Variants in HAPLN4 observed in about 807,000 individuals in gnomAD.
HAPLN4 encodes the protein hyaluronan and proteoglycan link protein 4.
In HAPLN4, 19 loss-of-function variants were observed where a neutral mutation model predicts 28.0. That is an observed-to-expected ratio of 0.68 (90% confidence interval 0.47 to 1.00). HAPLN4 has a LOEUF of 1.00. Ranked by LOEUF, HAPLN4 falls within the 50% of genes least tolerant of loss-of-function variation. The pLI is 0.00. For missense variants in HAPLN4, 587 were observed against 602.6 expected (o/e 0.97, Z 0.27); for synonymous variants, 274 against 273.0 (o/e 1.00, Z -0.03).
intron 3 of HAPLN4, among the ~76,000 whole-genome samples, chr19:19,260,170 T>C (rs926551364): frequency 4.6e-5 from 7 of 152,222 alleles, no homozygotes; most frequent in African/African-American, 1.7e-4. Context: ...AGTGTCCTCA[T>C]TGTGGACATT....
Position 19,258,199 on chromosome 19 carries a change from AAC to A in HAPLN4, c.825_826del (p.Phe276LeufsTer131). The A allele has an allele frequency of 1.3e-6, 2 of 1,498,984 alleles. No homozygotes were observed. The highest frequency in any genetic ancestry group is 2.5e-5 in the South Asian group (2 of 78,980). The allele number at this position is 1,498,984 out of a possible 1,614,324, so 92.9% of individuals were successfully genotyped here. On this transcript the variant is annotated frameshift_variant, in exon 5 of 5. Transcript: ENST00000291481. LOFTEE classifies it low-confidence loss of function (END_TRUNC). This position sits in a 1 kb window ranked among gnomAD's most constrained non-coding sequence, Gnocchi z 6.2. Reference sequence around the variant, plus strand: ...TACAGGTCGCAGCGGCTTCAGGAAGAACACGCGCCCTGCGGGGGTGAGGTGGG... The same window carrying A: ...TACAGGTCGCAGCGGCTTCAGGAAGAACGCGCCCTGCGGGGGTGAGGTGGG...
intron 3 of HAPLN4, among the ~76,000 whole-genome samples, chr19:19,259,260 C>T (rs2060976330): frequency 6.6e-6 from 1 of 152,120 alleles, no homozygotes; most frequent in Non-Finnish European, 1.5e-5. Context: ...GCCCACGGAG[C>T]CTGCGTTCAG....
Position 19,258,053 on chromosome 19 carries a change from C to T in HAPLN4, c.973G>A (p.Asp325Asn), listed in dbSNP as rs776408689. ...LDRCTAGWLADGSARYPIVNP... is the reference protein window; with the variant it reads ...LDRCTAGWLANGSARYPIVNP... ...ACGATGGGGTAGCGCGCACTGCCAT[C>T]GGCCAGCCAACCCGCGGTGCAGCGG... is the stretch of plus-strand genomic sequence containing the variant. Residue 325 changes from aspartate to asparagine, a missense_variant, in exon 5 of 5, where the codon GAT (aspartate) becomes AAT (asparagine). Coordinates refer to ENST00000291481, the MANE Select transcript of HAPLN4 (RefSeq NM_023002.3). The surrounding 1 kb of genome is among the most constrained non-coding windows in gnomAD (Gnocchi z 6.2). The T allele has an allele frequency of 7.7e-6, 12 of 1,550,752 alleles. No homozygotes were observed. Among genetic ancestry groups the T allele is most frequent in the African/African-American group, 2.7e-5 (2 of 73,462 alleles).
In HAPLN4 at chr19:19,258,687, G is replaced by A. The variant is rs775839276; in HGVS notation, c.653C>T (p.Ser218Leu). ...GGGCCGGTTCACGGGGTATTGCACT[G>A]AGCCGTCGCGCAACCAGCCCGCGTT... The part of the protein sequence containing the change: ...WCNAGWLRDG[S>L]VQYPVNRPRE... Residue 218 changes from serine (S) to leucine (L), a missense_variant, in exon 4 of 5, where the codon TCA becomes TTA. Ser to Leu is a moderately radical substitution (Grantham distance 145). Coordinates refer to ENST00000291481, the MANE Select transcript of HAPLN4 (RefSeq NM_023002.3). This position sits in a 1 kb window ranked among gnomAD's most constrained non-coding sequence, Gnocchi z 6.2. 3.1e-6 allele frequency: 5 copies of A among 1,607,918 alleles called. No individual in the cohort carries two copies. The Admixed American group carries it at 8.4e-5, about 27-fold the overall frequency.
rs1217652946 is a variant in HAPLN4 at position 19,255,717 on chromosome 19, A to G, written c.*2100T>C. On this transcript the variant is annotated 3_prime_UTR_variant, in exon 5 of 5. Coordinates refer to ENST00000291481, the MANE Select transcript of HAPLN4 (RefSeq NM_023002.3). ...TTGGCACTCACGGGGACCACAGAAC[A>G]GCCCTGGTACAGTGGGAGAACACAG... 6.6e-6 allele frequency: 1 copy of G among 152,276 alleles called. No homozygotes were observed. 9.4% of individuals were successfully genotyped at this position (152,276 alleles called of 1,614,324 possible).
chr19:19,261,680 C>T, intron 1 of HAPLN4, 117 bp from the exon 2 acceptor site: 1 of 642,554 alleles, frequency 1.6e-6, no homozygotes, highest in Non-Finnish European at 2.5e-6. Context: ...CCCATGTCCC[C>T]ACCCTTTCCG....
rs568975845 is a variant in HAPLN4, at chr19:19,258,132, C to T, written c.894G>A (p.Ala298=). ...GAARACAARG[A]AVAKVGQLFA... Reference sequence around the variant, plus strand: ...ACAGCTGCCCCACCTTGGCCACGGCCGCGCCACGCGCAGCACACGCGCGCG... The same window carrying T: ...ACAGCTGCCCCACCTTGGCCACGGCTGCGCCACGCGCAGCACACGCGCGCG... Residue 298 remains alanine, a synonymous_variant, in exon 5 of 5, where the codon GCG becomes GCA. Coordinates refer to ENST00000291481, the MANE Select transcript of HAPLN4 (RefSeq NM_023002.3). This position sits in a 1 kb window ranked among gnomAD's most constrained non-coding sequence, Gnocchi z 6.2. 2 of 1,550,196 alleles carry T rather than the reference C, an allele frequency of 1.3e-6. No homozygotes were observed. The highest frequency in any genetic ancestry group is 4.7e-5 in the East Asian group (2 of 42,396).
Position 19,261,572 on chromosome 19 carries a change from C to G in HAPLN4, c.4-9G>C, listed in dbSNP as rs1196731216. The G allele has an allele frequency of 1.4e-6, 2 of 1,467,158 alleles. No homozygotes were observed. Among genetic ancestry groups the G allele is most frequent in the African/African-American group, 1.5e-5 (1 of 68,352 alleles). The allele number at this position is 1,467,158 out of a possible 1,614,324, so 90.9% of individuals were successfully genotyped here. A position where few individuals can be genotyped will look rare whatever the true frequency, so the allele number is the denominator to read the frequency against. ...GCCGCCCGAGCGCACACCTGGGGGG[C>G]GGGCACGGGGCGCTCAGTCCAGCCT... On this transcript the variant is annotated splice_polypyrimidine_tract_variant and intron_variant, in intron 1 of 4. Transcript: ENST00000291481.
Position 19,257,026 on chromosome 19 carries a change from G to A in HAPLN4, c.*791C>T, listed in dbSNP as rs1391820236. ...GTCTGTTTGGTGACAGTTGGGAAAGGGACGTCAGAGGACAGGGTGGGTTTG... is the reference window on the plus strand; with the variant it reads ...GTCTGTTTGGTGACAGTTGGGAAAGAGACGTCAGAGGACAGGGTGGGTTTG... On this transcript the variant is annotated 3_prime_UTR_variant, in exon 5 of 5. Transcript: ENST00000291481. 2 of 152,564 alleles carry A rather than the reference G, an allele frequency of 1.3e-5. No individual in the cohort carries two copies. The highest frequency in any genetic ancestry group is 1.3e-4 in the Admixed American group (2 of 15,268). The allele number at this position is 152,564 out of a possible 1,614,324, so 9.5% of individuals were successfully genotyped here.
Position 19,258,683 on chromosome 19 carries a change from C to T in HAPLN4, c.657G>A (p.Val219=), listed in dbSNP as rs1235946059. 3 of 1,608,788 alleles carry T rather than the reference C, an allele frequency of 1.9e-6. No individual in the cohort carries two copies. The highest frequency in any genetic ancestry group is 4.5e-5 in the East Asian group (2 of 44,764). ...CNAGWLRDGS[V]QYPVNRPREP... is the part of the protein sequence containing the mutation. ...CCCGGGGCCGGTTCACGGGGTATTG[C>T]ACTGAGCCGTCGCGCAACCAGCCCG... The change falls in exon 4 of 5, where the codon GTG becomes GTA. Residue 219 remains valine, a synonymous_variant. Coordinates refer to ENST00000291481, the MANE Select transcript of HAPLN4 (RefSeq NM_023002.3). This position sits in a 1 kb window ranked among gnomAD's most constrained non-coding sequence, Gnocchi z 6.2.
In HAPLN4 at chr19:19,261,466, T is replaced by A. The variant is rs754034332; in HGVS notation, c.101A>T (p.Lys34Met). The A allele has an allele frequency of 3.1e-6, 5 of 1,611,932 alleles. No homozygotes were observed. ...CTCACCCAGCACGTGCACGACCTTCTTCCGGCCACGCTGCGCCCCCGCAGG... is the reference window on the plus strand; with the variant it reads ...CTCACCCAGCACGTGCACGACCTTCATCCGGCCACGCTGCGCCCCCGCAGG... ...TAPAGAQRGRKKVVHVLEGES... is the reference protein window; with the variant it reads ...TAPAGAQRGRMKVVHVLEGES... The change falls in exon 2 of 5, where the codon AAG becomes ATG. Residue 34 changes from lysine to methionine, a missense_variant. Lys to Met is a moderately conservative substitution (Grantham distance 95). Transcript: ENST00000291481.
chr19:19,261,590 T>G (rs1182493368), intron 1 of HAPLN4, 27 bp from the exon 2 acceptor site: 4 of 1,400,946 alleles, frequency 2.9e-6, no homozygotes, highest in Non-Finnish European at 2.8e-6. Flanking sequence ...GGGCGCTCAG[T>G]CCAGCCTCCC....
chr19:19,261,679 C>T (rs2060984143), intron 1 of HAPLN4, 116 bp from the exon 2 acceptor site: 2 of 642,328 alleles, frequency 3.1e-6, no homozygotes, highest in Non-Finnish European at 2.5e-6. Flanking sequence ...GCCCATGTCC[C>T]CACCCTTTCC....
rs564862847 is a variant in HAPLN4 at position 19,258,539 on chromosome 19, G to A, written c.801C>T (p.Phe267=). 38 of 1,613,542 alleles carry A rather than the reference G, an allele frequency of 2.4e-5. 1 individual carries two copies. The South Asian group carries it at 4.1e-4, about 17-fold the overall frequency. The change falls in exon 4 of 5, where the codon TTC becomes TTT. Residue 267 remains phenylalanine, a synonymous_variant. Coordinates refer to ENST00000291481, the MANE Select transcript of HAPLN4 (RefSeq NM_023002.3). The surrounding 1 kb of genome is among the most constrained non-coding windows in gnomAD (Gnocchi z 6.2). ...NAEERYDAFC[F]TSNLPGRVFF... is the part of the protein sequence containing the mutation. ...CCTACGCACCCGGCAGGTTGGACGT[G>A]AAGCAGAAGGCGTCGTAGCGTTCCT...
chr19:19,258,843 G>T lies in HAPLN4; in HGVS notation c.497C>A (p.Pro166His). The change falls in exon 4 of 5, where the codon CCC (proline) becomes CAC (histidine). Residue 166 changes from proline (P) to histidine (H), a missense_variant. Transcript: ENST00000291481. This position sits in a 1 kb window ranked among gnomAD's most constrained non-coding sequence, Gnocchi z 6.2. ...GTATCGGCCTCCACGGGGGTGGTAG[G>T]GAAAGACCACGCCTGGCGGGGGGCG... is the stretch of plus-strand genomic sequence containing the variant. The part of the protein sequence containing the change: ...VKLDLEGVVF[P>H]YHPRGGRYKL... 2 of 1,563,260 alleles carry T rather than the reference G, an allele frequency of 1.3e-6. No individual in the cohort carries two copies. The highest frequency in any genetic ancestry group is 2.4e-5 in the South Asian group (2 of 84,350).
At chr19:19,259,190 A>G (rs2060976192) in intron 3 of HAPLN4, among the ~76,000 whole-genome samples, 1 of 152,098 alleles carries the variant, frequency 6.6e-6, no homozygotes, top group Non-Finnish European at 1.5e-5. Context: ...TCTTCCATTG[A>G]GTCCTGTGTG....
At chr19:19,260,497 G>A (rs1486024571) in intron 3 of HAPLN4, among the ~76,000 whole-genome samples, 12 of 152,134 alleles carry the variant, frequency 7.9e-5, no homozygotes, top group African/African-American at 1.2e-4. Flanking sequence ...GATTACAGTC[G>A]TGAGCCACCA....
Position 19,257,417 on chromosome 19 carries a change from C to A in HAPLN4, c.*400G>T, listed in dbSNP as rs1391393408. On this transcript the variant is annotated 3_prime_UTR_variant, in exon 5 of 5. Transcript: ENST00000291481. ...CCAGTGAGATGCAGAAGGTGTACGG[C>A]CGGTCTCTAGTCAATCCCGGGGGTC... 2 of 180,506 alleles carry A rather than the reference C, an allele frequency of 1.1e-5. No homozygotes were observed. The highest frequency in any genetic ancestry group is 4.7e-5 in the African/African-American group (2 of 42,530). 11.2% of individuals were successfully genotyped at this position (180,506 alleles called of 1,614,324 possible). A position where few individuals can be genotyped will look rare whatever the true frequency, so the allele number is the denominator to read the frequency against.
intron 2 of HAPLN4, 102 bp downstream of exon 2, chr19:19,261,344 G>T: frequency 1.6e-6 from 2 of 1,269,568 alleles, no homozygotes; most frequent in Non-Finnish European, 2.3e-6. Flanking sequence ...GGAGTGGCTG[G>T]GGGAACCGCG....
Sources: allele counts gnomAD v4.1 joint callset (sites outside exome capture counted in the v4.1 genomes callset), GRCh38; gene constraint gnomAD v4.1.1; non-coding constraint Gnocchi (gnomAD v3.1); transcripts MANE v1.5; gene names NCBI Gene and HGNC (gene_info 2026-07-23, HGNC 2026-07-21).